Variants in GRID1 observed in about 807,000 individuals in gnomAD.
GRID1 encodes the protein glutamate ionotropic receptor delta type subunit 1.
A neutral mutation model predicts 98.0 loss-of-function variants in GRID1; 28 were observed. That is an observed-to-expected ratio of 0.29 (90% CI 0.21 to 0.39). The LOEUF (loss-of-function observed/expected upper bound fraction) is 0.39. Ranked by LOEUF, GRID1 falls within the 10% of genes least tolerant of loss-of-function variation. The pLI, the probability that GRID1 is intolerant of heterozygous loss-of-function variation, is 1.00. For synonymous variants in GRID1, 553 were observed against 538.5 expected, an observed-to-expected ratio of 1.03 and a Z score of -0.37; for missense variants, 1,111 against 1,340.5, an observed-to-expected ratio of 0.83 and a Z score of 2.67.
chr10:85,725,842 T>C (rs912564949), intron 10 of GRID1, among the ~76,000 whole-genome samples: 3 of 152,220 alleles, frequency 2.0e-5, no homozygotes, highest in African/African-American at 7.2e-5. Flanking sequence ...AGTGACCCTA[T>C]CAACACTCTC....
At chr10:85,611,801 C>T (rs970006262) in intron 15 of GRID1, among the ~76,000 whole-genome samples, 8 of 152,334 alleles carry the variant, frequency 5.3e-5, no homozygotes, top group African/African-American at 1.9e-4. Flanking sequence ...CCCTTCCTTA[C>T]AACTGCTAGT....
chr10:85,915,994 C>T (rs1016359088), intron 5 of GRID1, among the ~76,000 whole-genome samples, 192 bp downstream of exon 5: 5 of 152,304 alleles, frequency 3.3e-5, no homozygotes, highest in Admixed American at 6.5e-5. Flanking sequence ...TTCTTTCTCT[C>T]GTTCCCACCT....
At chr10:85,803,210 T>C (rs1453918461) in intron 8 of GRID1, among the ~76,000 whole-genome samples, 2 of 152,104 alleles carry the variant, frequency 1.3e-5, no homozygotes, top group East Asian at 3.9e-4. Flanking sequence ...TAACTGTATA[T>C]TTAAAAATAA....
At chr10:86,019,009 C>T (rs182052907) in intron 4 of GRID1, among the ~76,000 whole-genome samples, 17 of 152,346 alleles carry the variant, frequency 1.1e-4, no homozygotes, top group Non-Finnish European at 1.8e-4. Flanking sequence ...ACAGTCAGGA[C>T]ACCTAACACT....
At chr10:86,229,184 G>T (rs1422857811) in intron 2 of GRID1, among the ~76,000 whole-genome samples, 1 of 152,098 alleles carries the variant, frequency 6.6e-6, no homozygotes, top group Non-Finnish European at 1.5e-5. Flanking sequence ...TGCCTCCCAT[G>T]GGAACCTCAG....
At chr10:85,810,905 G>A (rs551994588) in intron 8 of GRID1, among the ~76,000 whole-genome samples, 3 of 152,074 alleles carry the variant, frequency 2.0e-5, no homozygotes, top group African/African-American at 7.2e-5. Flanking sequence ...TGACCCCGGT[G>A]AGCCAGTCCC....
At chr10:85,850,328 T>C (rs1033947452) in intron 8 of GRID1, among the ~76,000 whole-genome samples, 15 of 152,092 alleles carry the variant, frequency 9.9e-5, no homozygotes, top group Non-Finnish European at 1.5e-4. Context: ...GTCATGCTTG[T>C]GGAGGAAAAA....
intron 2 of GRID1, among the ~76,000 whole-genome samples, chr10:86,348,310 T>C (rs2353277): frequency 0.96 from 146,183 of 152,342 alleles, 70,263 homozygotes; most frequent in East Asian, 1. Context: ...ACACCAAAGA[T>C]ACAATGAATG....
intron 12 of GRID1, among the ~76,000 whole-genome samples, chr10:85,668,415 T>C (rs1390985303): frequency 6.6e-6 from 1 of 151,938 alleles, no homozygotes; most frequent in African/African-American, 2.4e-5. Flanking sequence ...AGCAGGAAAA[T>C]GTGCCTATTC....
intron 3 of GRID1, among the ~76,000 whole-genome samples, chr10:86,159,356 T>C (rs1051980073): frequency 6.6e-6 from 1 of 152,206 alleles, no homozygotes; most frequent in Admixed American, 6.5e-5. Context: ...AAAACTTCTA[T>C]TGCCTGGTGA....
chr10:86,238,166 G>A (rs531568938), intron 2 of GRID1, among the ~76,000 whole-genome samples: 19 of 152,338 alleles, frequency 1.2e-4, no homozygotes, highest in African/African-American at 4.3e-4. Flanking sequence ...TATGTAAAGA[G>A]GAGCCAAATG....
chr10:86,036,503 C>T (rs577680011), intron 4 of GRID1, among the ~76,000 whole-genome samples: 2 of 152,294 alleles, frequency 1.3e-5, no homozygotes, highest in Admixed American at 6.5e-5. Flanking sequence ...CTGTTCACCT[C>T]GAGCCTGTCA....
intron 2 of GRID1, among the ~76,000 whole-genome samples, chr10:86,213,537 C>G (rs1846134245): frequency 6.6e-6 from 1 of 152,118 alleles, no homozygotes; most frequent in Non-Finnish European, 1.5e-5. Flanking sequence ...AAAGTTTCTC[C>G]TAAGGCTGGT....
At chr10:86,355,707 G>T (rs1050200015) in intron 2 of GRID1, among the ~76,000 whole-genome samples, 19 of 152,252 alleles carry the variant, frequency 1.2e-4, no homozygotes, top group Non-Finnish European at 5.9e-5. Context: ...GGGAGGAAGG[G>T]CTCAGAGAGT....
chr10:85,998,225 C>T (rs1842763666), intron 4 of GRID1, among the ~76,000 whole-genome samples: 1 of 151,914 alleles, frequency 6.6e-6, no homozygotes, highest in Non-Finnish European at 1.5e-5. Flanking sequence ...GAAACGTTCC[C>T]CAAGGAAGTC....
At chr10:85,740,632 T>G (rs531861011) in intron 8 of GRID1, among the ~76,000 whole-genome samples, 28 of 152,308 alleles carry the variant, frequency 1.8e-4, no homozygotes, top group African/African-American at 6.7e-4. Context: ...CTCCAGGAAG[T>G]ACAAGGTAGT....
chr10:85,624,538 C>G (rs1280806895), intron 13 of GRID1, among the ~76,000 whole-genome samples: 1 of 152,352 alleles, frequency 6.6e-6, no homozygotes, highest in Non-Finnish European at 1.5e-5. Flanking sequence ...CTCCAGCCCC[C>G]ACGTTTCTTC....
chr10:85,668,745 G>C (rs1039940067), intron 12 of GRID1, among the ~76,000 whole-genome samples: 45 of 152,200 alleles, frequency 3.0e-4, no homozygotes, highest in African/African-American at 1.1e-3. Context: ...ATTGCTTAAA[G>C]GAAGAATTTA....
chr10:85,800,654 T>G (rs983428112), intron 8 of GRID1, among the ~76,000 whole-genome samples: 3 of 152,060 alleles, frequency 2.0e-5, no homozygotes, highest in Non-Finnish European at 4.4e-5. Context: ...GAGAGTAACA[T>G]TAATTTCAAA....
Sources: gnomAD v4.1 joint callset for allele counts (sites outside exome capture counted in the v4.1 genomes callset) on GRCh38, gnomAD v4.1.1 for gene constraint, MANE v1.5 for transcripts, NCBI Gene and HGNC (gene_info 2026-07-23, HGNC 2026-07-21) for gene names.